The following TRPV3 variants were observed in gnomAD, a reference collection of about 807,000 sequenced individuals.
TRPV3 encodes VRL-3.
In TRPV3, 88 loss-of-function variants were observed where a neutral mutation model predicts 87.1. The observed-to-expected ratio is 1.01, with a 90% CI of 0.85 to 1.21. TRPV3 has a LOEUF of 1.21. Among genes scored for constraint, TRPV3 ranks in the 50% most tolerant of loss-of-function variants. The pLI is 0.00. For missense variants in TRPV3, 1,054 were observed against 1,030.1 expected, an observed-to-expected ratio of 1.02 and a Z score of -0.32; for synonymous variants, 438 against 423.3, an observed-to-expected ratio of 1.03 and a Z score of -0.43.
At chr17:3,524,612 A>C (rs1279451931) in intron 12 of TRPV3, among the ~76,000 whole-genome samples, 1 of 152,090 alleles carries the variant, frequency 6.6e-6, no homozygotes, top group Non-Finnish European at 1.5e-5. Flanking sequence ...AAAAAAAGAA[A>C]AAACACACAT....
rs982701721 is a variant in TRPV3, at chr17:3,556,611, C to G, written c.-3+1065G>C. Among the ~76,000 whole-genome samples, 1 of 152,128 alleles carries G rather than the reference C, an allele frequency of 6.6e-6. No homozygotes were observed. The highest frequency in any genetic ancestry group is 1.5e-5 in the Non-Finnish European group (1 of 68,002). ...AGGAAAGCTTCCTGGAGGAAGTTTC[C>G]GGAGCCAGGTGTCATCAGGCTGGAG... On this transcript the variant is annotated intron_variant, in intron 1 of 17. Transcript: ENST00000576742. This position sits in a 1 kb window ranked among gnomAD's most constrained non-coding sequence, Gnocchi z 4.2.
intron 2 of TRPV3, chr17:3,554,355 G>C: frequency 5.4e-6 from 1 of 184,100 alleles, no homozygotes; most frequent in Non-Finnish European, 1.1e-5. Context: ...TGTGTGTGTG[G>C]AAAACGTGCC....
chr17:3,538,437 C>CAA (rs1157337439), intron 6 of TRPV3, among the ~76,000 whole-genome samples: 13 of 74,438 alleles, frequency 1.7e-4, no homozygotes, highest in African/African-American at 3.6e-4. Flanking sequence ...TGGAAAAGAA[C>CAA]AAAAAAAAAA....
intron 6 of TRPV3, 143 bp from the exon 7 acceptor site, chr17:3,535,856 C>G (rs1853241069): frequency 9.3e-7 from 1 of 1,076,102 alleles, no homozygotes. Flanking sequence ...GGAATCCCAG[C>G]TTTGTTCTTT....
At position 3,526,742 on chromosome 17, in the gene TRPV3, C is replaced by T. The variant is rs2074303422; in HGVS notation, c.1577+112G>A. 24 of 837,698 alleles carry T rather than the reference C, an allele frequency of 2.9e-5. 3 individuals carry two copies. The South Asian group carries it at 3.8e-4, about 13-fold the overall frequency. 51.9% of individuals were successfully genotyped at this position (837,698 alleles called of 1,614,324 possible). ...CTGGCGTGTAACCATGGCAGAGTGA[C>T]TGGGACACCGTGGCACAGTAGGATA... On this transcript the variant is annotated intron_variant, in intron 12 of 17. Coordinates refer to ENST00000576742, the MANE Select transcript of TRPV3 (RefSeq NM_145068.4).
chr17:3,519,561 G>A (rs539076572), intron 14 of TRPV3, among the ~76,000 whole-genome samples: 8 of 142,040 alleles, frequency 5.6e-5, no homozygotes, highest in Admixed American at 4.2e-4. Flanking sequence ...CCAATTGATC[G>A]ATGGATGGAT....
At chr17:3,519,476 A>AGATGAATGGATGGATGGATGGATG (rs2074217223) in intron 14 of TRPV3, among the ~76,000 whole-genome samples, 2 of 110,222 alleles carry the variant, frequency 1.8e-5, no homozygotes, top group African/African-American at 7.4e-5. Flanking sequence ...ATGGATGGAT[A>AGATGAATGGATGGATGGATGGATG]GATGATTGGA....
chr17:3,556,813 G>C lies in TRPV3; in HGVS notation c.-3+863C>G, dbSNP rs557106763. Among the ~76,000 whole-genome samples, 13 of 152,220 alleles carry C rather than the reference G, an allele frequency of 8.5e-5. No homozygotes were observed. The East Asian group carries it at 2.5e-3, about 29-fold the overall frequency. ...TGTCCAGTCACGGCCTGATGAGGAT[G>C]GGCAGCCTCTATGGCTTTCCCCATC... is the stretch of plus-strand genomic sequence containing the variant. On this transcript the variant is annotated intron_variant, in intron 1 of 17. Transcript: ENST00000576742. The surrounding 1 kb of genome is among the most constrained non-coding windows in gnomAD (Gnocchi z 4.2).
intron 12 of TRPV3, among the ~76,000 whole-genome samples, chr17:3,525,224 T>G (rs949007350): frequency 1.3e-5 from 2 of 152,222 alleles, no homozygotes; most frequent in African/African-American, 4.8e-5. Context: ...TTCACCATGT[T>G]GGCCAGGCTG....
intron 13 of TRPV3, among the ~76,000 whole-genome samples, chr17:3,522,204 T>C (rs905788029): frequency 6.6e-6 from 1 of 152,222 alleles, no homozygotes. Flanking sequence ...GTCTCTATCA[T>C]AGCCATATGG....
At chr17:3,529,065 G>A in intron 9 of TRPV3, 70 bp from the exon 10 acceptor site, 1 of 1,568,824 alleles carries the variant, frequency 6.4e-7, no homozygotes, top group Non-Finnish European at 8.7e-7. Flanking sequence ...CTAAAGGCCT[G>A]CGGGAGCTCT....
intron 13 of TRPV3, 96 bp from the exon 14 acceptor site, chr17:3,521,135 T>G: frequency 4.7e-6 from 2 of 423,612 alleles, no homozygotes; most frequent in East Asian, 6.0e-5. Flanking sequence ...CCCCCCACCC[T>G]AACTGTCTCT....
At chr17:3,514,487 C>T (rs1419041588) in intron 17 of TRPV3, 106 bp downstream of exon 17, 5 of 778,406 alleles carry the variant, frequency 6.4e-6, no homozygotes, top group Admixed American at 2.1e-5. Flanking sequence ...CCATTCAACC[C>T]TCCCATTTGA....
In TRPV3 at chr17:3,536,236, G is replaced by C. The variant is rs1041287432; in HGVS notation, c.644-523C>G. 3.3e-5 allele frequency among the ~76,000 whole-genome samples: 5 copies of C among 152,298 alleles called. No individual in the cohort carries two copies. In the East Asian group the frequency reaches 9.6e-4, roughly 29 times the overall value. On this transcript the variant is annotated intron_variant, in intron 6 of 17. Transcript: ENST00000576742. ...AGGAAACTGGCAGGACGAGAATGTAGGGCTCGGTGCATGGGTGTTTTCAGA... is the reference window on the plus strand; with the variant it reads ...AGGAAACTGGCAGGACGAGAATGTACGGCTCGGTGCATGGGTGTTTTCAGA...
rs936351558 is a variant in TRPV3, at chr17:3,525,441, C to T, written c.1578-1078G>A. Reference sequence around the variant, plus strand: ...TGGAAGAATGGTGGTTACAGGGGGCCGGGAAAGGAGAGGAATAGGGGCTGT... The same window carrying T: ...TGGAAGAATGGTGGTTACAGGGGGCTGGGAAAGGAGAGGAATAGGGGCTGT... On this transcript the variant is annotated intron_variant, in intron 12 of 17. Transcript: ENST00000576742. 5.3e-5 allele frequency among the ~76,000 whole-genome samples: 8 copies of T among 151,958 alleles called. 1 individual carries two copies. Among genetic ancestry groups the T allele is most frequent in the East Asian group, 1.9e-4 (1 of 5,180 alleles).
intron 6 of TRPV3, among the ~76,000 whole-genome samples, chr17:3,537,844 C>G (rs1394823826): frequency 7.0e-6 from 1 of 142,090 alleles, no homozygotes; most frequent in African/African-American, 2.6e-5. Context: ...AGGCAGAGAT[C>G]GCGCCACTGT....
chr17:3,555,348 G>A lies in TRPV3; in HGVS notation c.-2-496C>T, dbSNP rs374932454. ...CTCCAAGAGTTTTGACCTCCACAGAGCAAGATTATCACCTCCTTTGCTCTA... is the reference window on the plus strand; with the variant it reads ...CTCCAAGAGTTTTGACCTCCACAGAACAAGATTATCACCTCCTTTGCTCTA... On this transcript the variant is annotated intron_variant, in intron 1 of 17. Coordinates refer to ENST00000576742, the MANE Select transcript of TRPV3 (RefSeq NM_145068.4). 9.8e-5 allele frequency among the ~76,000 whole-genome samples: 15 copies of A among 152,334 alleles called. No homozygotes were observed. The South Asian group carries it at 2.9e-3, about 29-fold the overall frequency.
In TRPV3 at chr17:3,530,407, T is replaced by C; in HGVS notation, c.1066-204A>G. On this transcript the variant is annotated intron_variant, in intron 8 of 17. Transcript: ENST00000576742. The surrounding 1 kb of genome is among the most constrained non-coding windows in gnomAD (Gnocchi z 4.0). ...AAGCTTGCTGTTCCGCCCATCTCACTGGGGGTTGTGAATACCAGGGACAAA... is the reference window on the plus strand; with the variant it reads ...AAGCTTGCTGTTCCGCCCATCTCACCGGGGGTTGTGAATACCAGGGACAAA... 2 of 464,916 alleles carry C rather than the reference T, an allele frequency of 4.3e-6. No homozygotes were observed. Among genetic ancestry groups the C allele is most frequent in the Non-Finnish European group, 7.4e-6 (2 of 270,210 alleles). The allele number at this position is 464,916 out of a possible 1,614,324, so 28.8% of individuals were successfully genotyped here.
At position 3,528,907 on chromosome 17, in the gene TRPV3, G is replaced by T. The variant is rs780760039; in HGVS notation, c.1331C>A (p.Ser444Tyr). Residue 444 changes from serine to tyrosine, a missense_variant, in exon 10 of 18, where the codon TCC (serine) becomes TAC (tyrosine). Physicochemically the swap from Ser to Tyr is moderately radical, Grantham distance 144 (BLOSUM62 -2). Coordinates refer to ENST00000576742, the MANE Select transcript of TRPV3 (RefSeq NM_145068.4). This position sits in a 1 kb window ranked among gnomAD's most constrained non-coding sequence, Gnocchi z 4.2. The stretch of plus-strand genomic sequence containing the variant: ...GTTGTAGAAGAAATAAAAGCAGAAG[G>T]ACAGAAAGAACATGTGCTTGGCAAA... ...KKFAKHMFFL[S>Y]FCFYFFYNIT... 2 of 1,614,076 alleles carry T rather than the reference G, an allele frequency of 1.2e-6. No individual in the cohort carries two copies. The highest frequency in any genetic ancestry group is 1.3e-5 in the African/African-American group (1 of 74,926).
Sources: allele counts gnomAD v4.1 joint callset (sites outside exome capture counted in the v4.1 genomes callset), GRCh38; gene constraint gnomAD v4.1.1; non-coding constraint Gnocchi (gnomAD v3.1); transcripts MANE v1.5; gene names NCBI Gene and HGNC (gene_info 2026-07-23, HGNC 2026-07-21).